SESTD1: variants seen among roughly 807,000 people sequenced by gnomAD.
SESTD1 encodes the protein SEC14 domain and spectrin repeat-containing protein 1.
In SESTD1, 43 loss-of-function variants were observed where a neutral mutation model predicts 101.7. The observed-to-expected ratio is 0.42, with a 90% CI of 0.33 to 0.55. The LOEUF (loss-of-function observed/expected upper bound fraction) is 0.55, where lower values mean the gene tolerates loss of function less well. Among genes scored for constraint, SESTD1 ranks in the 20% least tolerant of loss-of-function variants. The pLI is 0.07. For missense variants in SESTD1, 647 were observed against 815.1 expected, an observed-to-expected ratio of 0.79 and a Z score of 2.51; for synonymous variants, 283 against 286.8, an observed-to-expected ratio of 0.99 and a Z score of 0.13.
At chr2:179,162,677 G>C (rs2045758570) in intron 5 of SESTD1, among the ~76,000 whole-genome samples, 1 of 151,990 alleles carries the variant, frequency 6.6e-6, no homozygotes, top group African/African-American at 2.4e-5. Flanking sequence ...AAGTTAACTT[G>C]TAGATTCTGT....
intron 1 of SESTD1, among the ~76,000 whole-genome samples, chr2:179,255,753 A>G (rs1315810835): frequency 6.6e-6 from 1 of 152,254 alleles, no homozygotes. Context: ...ACAGCCTTCT[A>G]TTAGACAAAG....
At chr2:179,121,745 A>T in intron 13 of SESTD1, 25 bp downstream of exon 13, 1 of 1,534,206 alleles carries the variant, frequency 6.5e-7, no homozygotes, top group Middle Eastern at 1.8e-4. Flanking sequence ...ATTTTAGTAA[A>T]AAGTAATTAA....
chr2:179,143,784 T>C lies in SESTD1; in HGVS notation c.657A>G (p.Glu219=). 6.2e-7 allele frequency: 1 copy of C among 1,613,754 alleles called. No homozygotes were observed. Among genetic ancestry groups the C allele is most frequent in the Non-Finnish European group, 8.5e-7 (1 of 1,179,894 alleles). ...AGCCATTAAATCGACGCTGCTGTAA[T>C]TCGGACAACAATTCATGCCCTTTAC... ...VLQTGHELLS[E]LQQRRFNGSD... The change falls in exon 9 of 18, where the codon GAA becomes GAG. Residue 219 remains glutamate, a synonymous_variant. Coordinates refer to ENST00000428443, the MANE Select transcript of SESTD1 (RefSeq NM_178123.5).
At chr2:179,196,594 C>T (rs888445342) in intron 1 of SESTD1, among the ~76,000 whole-genome samples, 3 of 152,244 alleles carry the variant, frequency 2.0e-5, no homozygotes, top group Admixed American at 1.3e-4. Context: ...GTTCTCCCAG[C>T]ATGCAGCTAG....
intron 2 of SESTD1, among the ~76,000 whole-genome samples, chr2:179,185,533 T>A (rs1326741936): frequency 2.2e-5 from 3 of 137,292 alleles, no homozygotes; most frequent in African/African-American, 8.1e-5. Flanking sequence ...ATTGTATATA[T>A]GTAATATATG....
Position 179,183,195 on chromosome 2 carries a change from A to C in SESTD1, c.56-7T>G. 1 of 1,576,634 alleles carries C rather than the reference A, an allele frequency of 6.3e-7. No individual in the cohort carries two copies. Among genetic ancestry groups the C allele is most frequent in the Non-Finnish European group, 8.7e-7 (1 of 1,150,930 alleles). On this transcript the variant is annotated splice_polypyrimidine_tract_variant and splice_region_variant and intron_variant, in intron 2 of 17. Coordinates refer to ENST00000428443, the MANE Select transcript of SESTD1 (RefSeq NM_178123.5). ...CTCCGTCTGTCTTTTCCTCCTATTAAAAAAGAGATTTAAATTTAACATGTA... is the reference window on the plus strand; with the variant it reads ...CTCCGTCTGTCTTTTCCTCCTATTACAAAAGAGATTTAAATTTAACATGTA...
At chr2:179,251,771 C>T (rs754374374) in intron 1 of SESTD1, among the ~76,000 whole-genome samples, 45 of 152,114 alleles carry the variant, frequency 3.0e-4, no homozygotes, top group Non-Finnish European at 5.9e-4. Context: ...GTTCCCTTGC[C>T]CTTTTTCCCA....
intron 15 of SESTD1, among the ~76,000 whole-genome samples, chr2:179,116,165 G>C (rs776540846): frequency 1.3e-5 from 2 of 151,826 alleles, no homozygotes; most frequent in Admixed American, 6.6e-5. Flanking sequence ...TCCCAGCTAC[G>C]CAGGTGGCTG....
rs1299422803 is a variant in SESTD1, at chr2:179,264,498, C to T, written c.-26+1G>A. The T allele has an allele frequency of 6.6e-6, 1 of 150,942 alleles. No homozygotes were observed. 9.4% of individuals were successfully genotyped at this position (150,942 alleles called of 1,614,324 possible). On this transcript the variant is annotated splice_donor_variant, in intron 1 of 17. Coordinates refer to ENST00000428443, the MANE Select transcript of SESTD1 (RefSeq NM_178123.5). LOFTEE classifies it low-confidence loss of function (5UTR_SPLICE). ...CCGGGCCGAGCGGCGGCCACACTCA[C>T]CTGGCTGGCGCTGACGCTAGCGGCC...
At chr2:179,238,325 T>A (rs1024050158) in intron 1 of SESTD1, among the ~76,000 whole-genome samples, 2 of 152,098 alleles carry the variant, frequency 1.3e-5, no homozygotes, top group African/African-American at 4.8e-5. Context: ...AACTGTACAA[T>A]CATACTAGTA....
chr2:179,106,881 A>C lies in SESTD1; in HGVS notation c.*3018T>G, dbSNP rs1173267551. ...CTGCTGGGTTAGACATGTGCGAAGA[A>C]CAGATGCCAAACTGCCATTATATAT... On this transcript the variant is annotated 3_prime_UTR_variant, in exon 18 of 18. Transcript: ENST00000428443. The C allele has an allele frequency of 1.3e-5, 2 of 152,128 alleles. No homozygotes were observed. Among genetic ancestry groups the C allele is most frequent in the Non-Finnish European group, 1.5e-5 (1 of 68,002 alleles). The allele number at this position is 152,128 out of a possible 1,614,324, so 9.4% of individuals were successfully genotyped here. A position where few individuals can be genotyped will look rare whatever the true frequency, so the allele number is the denominator to read the frequency against.
intron 1 of SESTD1, among the ~76,000 whole-genome samples, chr2:179,242,173 A>G (rs2047163947): frequency 6.6e-6 from 1 of 152,176 alleles, no homozygotes; most frequent in African/African-American, 2.4e-5. Context: ...TATGCCAATA[A>G]CATTCCAGGT....
chr2:179,206,344 A>AG (rs1449013171), intron 1 of SESTD1, among the ~76,000 whole-genome samples: 1 of 120,234 alleles, frequency 8.3e-6, no homozygotes, highest in East Asian at 2.5e-4. Flanking sequence ...GAAGTGTGAG[A>AG]GGGGGAAAAG....
At chr2:179,184,513 T>C (rs112593241) in intron 2 of SESTD1, among the ~76,000 whole-genome samples, 6 of 152,058 alleles carry the variant, frequency 3.9e-5, no homozygotes, top group African/African-American at 1.4e-4. Flanking sequence ...AATCAATCAA[T>C]ACGACTTCAA....
chr2:179,196,584 G>A (rs549272008), intron 1 of SESTD1, among the ~76,000 whole-genome samples: 1 of 152,338 alleles, frequency 6.6e-6, no homozygotes, highest in East Asian at 1.9e-4. Flanking sequence ...GACAGCAGTG[G>A]TTCTCCCAGC....
intron 17 of SESTD1, among the ~76,000 whole-genome samples, chr2:179,111,091 T>C (rs1486769349): frequency 1.3e-5 from 2 of 152,136 alleles, no homozygotes; most frequent in Non-Finnish European, 1.5e-5. Flanking sequence ...CTGTGAAATG[T>C]AGGAATCAGG....
At chr2:179,219,177 C>T (rs1000033542) in intron 1 of SESTD1, among the ~76,000 whole-genome samples, 2 of 152,060 alleles carry the variant, frequency 1.3e-5, no homozygotes, top group African/African-American at 4.8e-5. Context: ...AATGAGCTGC[C>T]ATTAGAGGGC....
At chr2:179,170,552 G>A (rs2045914394) in intron 5 of SESTD1, among the ~76,000 whole-genome samples, 1 of 152,102 alleles carries the variant, frequency 6.6e-6, no homozygotes, top group African/African-American at 2.4e-5. Flanking sequence ...TACAGTATTT[G>A]GTCTCAGTCC....
At position 179,230,113 on chromosome 2, in the gene SESTD1, C is replaced by CTTTTTTTTTTTTTT. The variant is rs71023474; in HGVS notation, c.-26+34372_-26+34385dup. On this transcript the variant is annotated intron_variant, in intron 1 of 17. Coordinates refer to ENST00000428443, the MANE Select transcript of SESTD1 (RefSeq NM_178123.5). ...AAATATTCCAAACTGGATTGTATCT[C>CTTTTTTTTTTTTTT]TTTTTTTTTTTTTTTTTTTTTTTTT... Among the ~76,000 whole-genome samples, 34 of 56,420 alleles carry CTTTTTTTTTTTTTT rather than the reference C, an allele frequency of 6.0e-4. 10 individuals are homozygous for CTTTTTTTTTTTTTT. Among genetic ancestry groups the CTTTTTTTTTTTTTT allele is most frequent in the Admixed American group, 1.8e-3 (6 of 3,420 alleles). The allele number at this position is 56,420 out of a possible 152,430, so 37.0% of individuals were successfully genotyped here. A position where few individuals can be genotyped will look rare whatever the true frequency, so the allele number is the denominator to read the frequency against.
Sources: gnomAD v4.1 joint callset for allele counts (sites outside exome capture counted in the v4.1 genomes callset) on GRCh38, gnomAD v4.1.1 for gene constraint, MANE v1.5 for transcripts, NCBI Gene and HGNC (gene_info 2026-07-23, HGNC 2026-07-21) for gene names.